The following CPLX2 variants were observed in gnomAD, a reference collection of about 807,000 sequenced individuals.
CPLX2 encodes complexin 2.
In CPLX2, 5 loss-of-function variants were observed where a neutral mutation model predicts 16.3. The ratio of observed to expected loss-of-function variants is 0.31; its 90% CI spans 0.16 to 0.64. CPLX2 has a LOEUF of 0.64. Ranked by LOEUF, CPLX2 falls within the 30% of genes least tolerant of loss-of-function variation. CPLX2 has a pLI of 0.79. For missense variants in CPLX2, 144 were observed against 181.4 expected (o/e 0.79, Z 1.18); for synonymous variants, 89 against 73.2 (o/e 1.22, Z -1.10).
At chr5:175,836,169 T>C (rs1758834510) in intron 2 of CPLX2, among the ~76,000 whole-genome samples, 1 of 152,092 alleles carries the variant, frequency 6.6e-6, no homozygotes, top group East Asian at 2.0e-4. Context: ...GCTAACACGG[T>C]GAAACCCCGT....
At chr5:175,808,328 A>G (rs1758250050) in intron 1 of CPLX2, among the ~76,000 whole-genome samples, 1 of 152,176 alleles carries the variant, frequency 6.6e-6, no homozygotes, top group South Asian at 2.1e-4. Flanking sequence ...ACAATTATTT[A>G]CTGGCACCTA....
Position 175,852,451 on chromosome 5 carries a change from TCAAA to T in CPLX2, c.-88-26198_-88-26195del, listed in dbSNP as rs377611078. On this transcript the variant is annotated intron_variant, in intron 2 of 4. Coordinates refer to the CPLX2 transcript ENST00000359546. The stretch of plus-strand genomic sequence containing the variant: ...AAATGGAATTGCGGCAGAGGTGGCT[TCAAA>T]CAGTTTCTCGGTTTGACCAGATCAG... 3.9e-3 allele frequency among the ~76,000 whole-genome samples: 590 copies of T among 152,290 alleles called. 4 individuals are homozygous for T. The highest frequency in any genetic ancestry group is 0.014 in the African/African-American group (570 of 41,554).
intron 2 of CPLX2, among the ~76,000 whole-genome samples, chr5:175,811,610 T>A (rs1758313730): frequency 6.7e-6 from 1 of 149,280 alleles, no homozygotes; most frequent in East Asian, 2.0e-4. Context: ...AGTTTACTGG[T>A]GGACTCAACT....
rs1327505204 is a variant in CPLX2, at chr5:175,879,035, G to A, written c.159G>A (p.Ala53=). 6.3e-7 allele frequency: 1 copy of A among 1,590,004 alleles called. No individual in the cohort carries two copies. Among genetic ancestry groups the A allele is most frequent in the Non-Finnish European group, 8.6e-7 (1 of 1,168,712 alleles). ...QQEEERKAKH[A]RMEAEREKVR... ...AGGAGGAGCGTAAGGCCAAGCACGCGCGCATGGAGGCGGAGCGGGAGAAGG... is the reference window on the plus strand; with the variant it reads ...AGGAGGAGCGTAAGGCCAAGCACGCACGCATGGAGGCGGAGCGGGAGAAGG... The change falls in exon 3 of 4, where the codon GCG becomes GCA. Residue 53 remains alanine (A), a synonymous_variant. Coordinates refer to ENST00000393745, the MANE Select transcript of CPLX2 (RefSeq NM_001008220.2).
chr5:175,871,448 A>AGG (rs1759603774), upstream of CPLX2: 4 of 109,724 alleles, frequency 3.6e-5, no homozygotes, highest in African/African-American at 6.4e-5. Context: ...AGAGAGAGAG[A>AGG]GAGAGAGAGA....
intron 2 of CPLX2, among the ~76,000 whole-genome samples, chr5:175,861,061 T>C (rs1483838595): frequency 6.6e-6 from 1 of 151,622 alleles, no homozygotes; most frequent in Admixed American, 6.6e-5. Flanking sequence ...AGAGCTATTA[T>C]TATGCTCTGT....
intron 1 of CPLX2, among the ~76,000 whole-genome samples, chr5:175,804,998 T>A (rs1758170094): frequency 6.6e-6 from 1 of 152,190 alleles, no homozygotes; most frequent in Admixed American, 6.5e-5. Context: ...AAAATGGGGA[T>A]AATAATTATA....
upstream of CPLX2, among the ~76,000 whole-genome samples, chr5:175,869,809 G>C (rs929925744): frequency 2.0e-5 from 3 of 152,124 alleles, no homozygotes; most frequent in African/African-American, 7.2e-5. Flanking sequence ...TTAAAGTGTG[G>C]TGTCCATAAC....
At chr5:175,837,772 C>T (rs1355234288) in intron 2 of CPLX2, 1 of 152,256 alleles carries the variant, frequency 6.6e-6, no homozygotes, top group Non-Finnish European at 1.5e-5. Flanking sequence ...CCCTCTGAGC[C>T]TTGGTTTCCG....
intron 1 of CPLX2, among the ~76,000 whole-genome samples, chr5:175,805,162 A>G (rs1422462251): frequency 3.3e-5 from 5 of 152,218 alleles, no homozygotes; most frequent in African/African-American, 2.4e-5. Flanking sequence ...AATGAAATCA[A>G]TAACATTCAT....
Position 175,865,683 on chromosome 5 carries a change from T to C in CPLX2, c.-88-12969T>C, listed in dbSNP as rs563206774. ...CTATGGCTCCACGATCCAGTTTTTCTGTAAGATGAGGGTCCAGGATCTTAT... is the reference window on the plus strand; with the variant it reads ...CTATGGCTCCACGATCCAGTTTTTCCGTAAGATGAGGGTCCAGGATCTTAT... On this transcript the variant is annotated intron_variant, in intron 2 of 4. Transcript: ENST00000359546. 1.2e-4 allele frequency among the ~76,000 whole-genome samples: 18 copies of C among 152,362 alleles called. No individual in the cohort carries two copies. In the East Asian group the frequency reaches 3.3e-3, roughly 28 times the overall value.
At chr5:175,814,531 C>A (rs1372599883) in intron 2 of CPLX2, among the ~76,000 whole-genome samples, 3 of 152,190 alleles carry the variant, frequency 2.0e-5, no homozygotes, top group Non-Finnish European at 2.9e-5. Flanking sequence ...GAAGAGGCAG[C>A]CCGTGTCAGC....
intron 2 of CPLX2, among the ~76,000 whole-genome samples, chr5:175,846,657 C>G (rs1411177749): frequency 6.6e-6 from 1 of 152,200 alleles, no homozygotes; most frequent in African/African-American, 2.4e-5. Context: ...GGTGGCAGAA[C>G]TGGGATTTGA....
chr5:175,813,066 C>T (rs1334860839), intron 2 of CPLX2, among the ~76,000 whole-genome samples: 1 of 152,130 alleles, frequency 6.6e-6, no homozygotes, highest in Non-Finnish European at 1.5e-5. Context: ...TGTATGAGCA[C>T]AGCTAAGCGG....
chr5:175,845,263 G>A lies in CPLX2; in HGVS notation c.-88-33389G>A, dbSNP rs1055921799. Among the ~76,000 whole-genome samples, 1 of 152,204 alleles carries A rather than the reference G, an allele frequency of 6.6e-6. No individual in the cohort carries two copies. The highest frequency in any genetic ancestry group is 2.4e-5 in the African/African-American group (1 of 41,458). ...CCCTCCTGTACTTACAACCCTACAA[G>A]GATCCACTATTCTTGGACTAAAACC... On this transcript the variant is annotated intron_variant, in intron 2 of 4. Transcript: ENST00000359546. The surrounding 1 kb of genome is among the most constrained non-coding windows in gnomAD (Gnocchi z 4.0).
intron 2 of CPLX2, among the ~76,000 whole-genome samples, chr5:175,834,967 C>T (rs1758801216): frequency 6.6e-6 from 1 of 152,164 alleles, no homozygotes. Flanking sequence ...GGGAAGAGTG[C>T]TCCAGAGAGG....
At chr5:175,874,646 T>G (rs1244564334) in intron 1 of CPLX2, among the ~76,000 whole-genome samples, 1 of 151,802 alleles carries the variant, frequency 6.6e-6, no homozygotes, top group Non-Finnish European at 1.5e-5. Flanking sequence ...AGACTGATCT[T>G]TGGACAGACA....
At chr5:175,873,930 C>T (rs1759696505) in intron 1 of CPLX2, among the ~76,000 whole-genome samples, 1 of 152,208 alleles carries the variant, frequency 6.6e-6, no homozygotes, top group Non-Finnish European at 1.5e-5. Flanking sequence ...GTGGGAATAG[C>T]ATGCACAAAT....
chr5:175,855,226 G>A (rs1378201993), intron 2 of CPLX2, among the ~76,000 whole-genome samples: 1 of 152,160 alleles, frequency 6.6e-6, no homozygotes, highest in South Asian at 2.1e-4. Context: ...CAGAGCAGTC[G>A]AGGTTCAGTC....
Sources: gnomAD v4.1 joint callset for allele counts (sites outside exome capture counted in the v4.1 genomes callset) on GRCh38, gnomAD v4.1.1 for gene constraint, Gnocchi (gnomAD v3.1) non-coding constraint, MANE v1.5 for transcripts, NCBI Gene and HGNC (gene_info 2026-07-23, HGNC 2026-07-21) for gene names.